CLASP2: variants seen among roughly 807,000 people sequenced by gnomAD.
CLASP2 encodes cytoplasmic linker associated protein 2.
Under a neutral mutation model 194.4 loss-of-function variants are expected in CLASP2, and 47 were observed. The observed-to-expected ratio is 0.24, with a 90% CI of 0.19 to 0.31. The LOEUF is 0.31. CLASP2 is among the 10% of genes least tolerant of loss of function. CLASP2 has a pLI of 1.00. For missense variants in CLASP2, 1,445 were observed against 1,823.6 expected, an observed-to-expected ratio of 0.79 and a Z score of 3.78; for synonymous variants, 619 against 633.5, an observed-to-expected ratio of 0.98 and a Z score of 0.34.
intron 20 of CLASP2, among the ~76,000 whole-genome samples, chr3:33,594,659 A>T (rs2069746603): frequency 6.6e-6 from 1 of 151,738 alleles, no homozygotes; most frequent in Admixed American, 6.6e-5. Flanking sequence ...TACTATAAAA[A>T]ATGAATTATA....
rs1437403610 is a variant in CLASP2 at position 33,612,087 on chromosome 3, T to C, written c.1318-16A>G. On this transcript the variant is annotated splice_polypyrimidine_tract_variant and intron_variant, in intron 12 of 38. Transcript: ENST00000682230. ...CATGAGTATGCTGAAAAAGATGTTTTAGAAAAGGTTGAAAATACTACACAC... is the reference window on the plus strand; with the variant it reads ...CATGAGTATGCTGAAAAAGATGTTTCAGAAAAGGTTGAAAATACTACACAC... The C allele has an allele frequency of 3.2e-6, 5 of 1,548,556 alleles. No individual in the cohort carries two copies. The highest frequency in any genetic ancestry group is 3.6e-6 in the Non-Finnish European group (4 of 1,125,072).
chr3:33,544,775 C>G lies in CLASP2; in HGVS notation c.3220G>C (p.Ala1074Pro). ...NTPEFTMLLG[A>P]LPKTFQDGAT... ...CCATCCTGAAAAGTTTTTGGTAAAG[C>G]TCCTAATAACATTGTAAACTCTGGG... Residue 1074 changes from alanine (A) to proline (P), a missense_variant, in exon 31 of 39, where the codon GCT becomes CCT. Coordinates refer to ENST00000682230, the MANE Select transcript of CLASP2 (RefSeq NM_001365631.1). 6.2e-7 allele frequency: 1 copy of G among 1,613,312 alleles called. No individual in the cohort carries two copies. Among genetic ancestry groups the G allele is most frequent in the South Asian group, 1.1e-5 (1 of 91,016 alleles).
intron 27 of CLASP2, chr3:33,564,114 CT>C: frequency 5.7e-6 from 2 of 350,924 alleles, no homozygotes; most frequent in Non-Finnish European, 1.1e-5. Context: ...TTTCCCATCT[CT>C]AACACATACC....
At chr3:33,527,577 CA>C (rs2054925515) in intron 34 of CLASP2, among the ~76,000 whole-genome samples, 1 of 151,998 alleles carries the variant, frequency 6.6e-6, no homozygotes, top group Non-Finnish European at 1.5e-5. Context: ...GAAATGATTC[CA>C]AAAAAGTGAG....
intron 22 of CLASP2, among the ~76,000 whole-genome samples, chr3:33,582,426 G>A (rs1203694977): frequency 6.6e-6 from 1 of 152,106 alleles, no homozygotes; most frequent in Non-Finnish European, 1.5e-5. Flanking sequence ...TAGGTGAGTG[G>A]GGAGAACTGC....
intron 32 of CLASP2, 116 bp from the exon 33 acceptor site, chr3:33,539,058 A>G: frequency 1.4e-6 from 1 of 708,122 alleles, no homozygotes; most frequent in Non-Finnish European, 2.1e-6. Flanking sequence ...ATATTCTCAG[A>G]GCATAATTAG....
chr3:33,663,863 A>G (rs879249974), intron 6 of CLASP2, among the ~76,000 whole-genome samples: 1 of 152,194 alleles, frequency 6.6e-6, no homozygotes, highest in Non-Finnish European at 1.5e-5. Context: ...TCACCAAGAC[A>G]TCTTTTAAAG....
intron 11 of CLASP2, 118 bp from the exon 12 acceptor site, chr3:33,619,856 G>A: frequency 1.2e-6 from 1 of 816,536 alleles, no homozygotes; most frequent in Non-Finnish European, 1.7e-6. Context: ...TTAATCAGTT[G>A]TAATGGCAGA....
chr3:33,660,893 A>T (rs1035759718), intron 7 of CLASP2, among the ~76,000 whole-genome samples: 18 of 152,218 alleles, frequency 1.2e-4, no homozygotes, highest in African/African-American at 4.3e-4. Context: ...TGAATCAACA[A>T]AGGCCTGAAA....
chr3:33,605,844 C>G (rs983171610), intron 16 of CLASP2, among the ~76,000 whole-genome samples: 2 of 152,030 alleles, frequency 1.3e-5, no homozygotes, highest in African/African-American at 4.8e-5. Context: ...CTCCTGACCT[C>G]AGGTGATCTG....
intron 4 of CLASP2, among the ~76,000 whole-genome samples, chr3:33,687,877 G>C (rs2090888582): frequency 6.6e-6 from 1 of 152,168 alleles, no homozygotes; most frequent in African/African-American, 2.4e-5. Flanking sequence ...CTTGGTCTAT[G>C]ATTCTGGTAC....
chr3:33,613,978 T>G (rs1193307551), intron 12 of CLASP2, among the ~76,000 whole-genome samples: 13 of 152,182 alleles, frequency 8.5e-5, no homozygotes, highest in East Asian at 1.9e-4. Context: ...AGATGAAGCA[T>G]TCAATCAAAC....
intron 34 of CLASP2, among the ~76,000 whole-genome samples, chr3:33,522,387 A>T (rs2053374096): frequency 6.6e-6 from 1 of 152,180 alleles, no homozygotes; most frequent in South Asian, 2.1e-4. Flanking sequence ...GCCTGCAACA[A>T]TCAGAACCAG....
intron 34 of CLASP2, among the ~76,000 whole-genome samples, chr3:33,526,990 G>A (rs961188475): frequency 1.2e-4 from 18 of 152,160 alleles, no homozygotes; most frequent in Admixed American, 8.5e-4. Flanking sequence ...GTGTTAAGAG[G>A]TAAATTCATA....
chr3:33,607,472 AAATAC>A lies in CLASP2; in HGVS notation c.1449-16_1449-12del. On this transcript the variant is annotated splice_polypyrimidine_tract_variant and intron_variant, in intron 14 of 38. Coordinates refer to ENST00000682230, the MANE Select transcript of CLASP2 (RefSeq NM_001365631.1). ...AAGACGGCTGCATGTCTATAAAATA[AAATAC>A]ATCTTTAGAGTTATGATATAGCTGT... 6.3e-7 allele frequency: 1 copy of A among 1,583,184 alleles called. No individual in the cohort carries two copies.
intron 33 of CLASP2, among the ~76,000 whole-genome samples, chr3:33,536,862 C>G (rs1029543538): frequency 6.6e-6 from 1 of 152,178 alleles, no homozygotes; most frequent in African/African-American, 2.4e-5. Flanking sequence ...CTCAACAACT[C>G]TTGTCCATGG....
intron 38 of CLASP2, 107 bp downstream of exon 38, chr3:33,501,545 C>A: frequency 1.5e-6 from 1 of 665,812 alleles, no homozygotes; most frequent in Non-Finnish European, 2.7e-6. Context: ...ATGCTCAAAG[C>A]CTGACTTATT....
At chr3:33,685,371 C>T (rs1381638066) in intron 5 of CLASP2, among the ~76,000 whole-genome samples, 1 of 119,802 alleles carries the variant, frequency 8.3e-6, no homozygotes, top group South Asian at 2.8e-4. Context: ...AAAAAAAATC[C>T]TATCTGTAGT....
chr3:33,599,256 A>G (rs1458307973), intron 18 of CLASP2, among the ~76,000 whole-genome samples: 1 of 151,994 alleles, frequency 6.6e-6, no homozygotes, highest in Non-Finnish European at 1.5e-5. Context: ...TCCCTAGTAG[A>G]TGGGCCCACA....
Sources: allele counts gnomAD v4.1 joint callset (sites outside exome capture counted in the v4.1 genomes callset), GRCh38; gene constraint gnomAD v4.1.1; transcripts MANE v1.5; gene names NCBI Gene and HGNC (gene_info 2026-07-23, HGNC 2026-07-21).